The following ANKRD42 variants were observed in gnomAD, a reference collection of about 807,000 sequenced individuals.
The protein encoded by ANKRD42 is ankyrin repeat domain 42.
In ANKRD42, 43 loss-of-function variants were observed where a neutral mutation model predicts 51.5. That is an observed-to-expected ratio of 0.83 (90% CI 0.65 to 1.08). The LOEUF is 1.08. Ranked by LOEUF, ANKRD42 falls within the 50% of genes least tolerant of loss-of-function variation. The pLI is 0.00. For missense variants in ANKRD42, 608 were observed against 629.3 expected (o/e 0.97, Z 0.36); for synonymous variants, 203 against 213.0 (o/e 0.95, Z 0.41).
intron 3 of ANKRD42, chr11:83,209,697 C>G: frequency 1.4e-6 from 1 of 720,068 alleles, no homozygotes; most frequent in Non-Finnish European, 2.6e-6. Context: ...TTCCTAACAT[C>G]TTTCTGACAA....
At chr11:83,216,614 G>A (rs976236466) in intron 5 of ANKRD42, among the ~76,000 whole-genome samples, 21 of 152,040 alleles carry the variant, frequency 1.4e-4, no homozygotes, top group Non-Finnish European at 1.8e-4. Context: ...GTGAGCCACC[G>A]CGCCCGGCCC....
rs1861746000 is a variant in ANKRD42, at chr11:83,198,485, G to T, written c.65G>T (p.Arg22Met). 1 of 1,611,620 alleles carries T rather than the reference G, an allele frequency of 6.2e-7. No homozygotes were observed. The highest frequency in any genetic ancestry group is 1.1e-5 in the South Asian group (1 of 90,706). The change falls in exon 2 of 11, where the codon AGG becomes ATG. Residue 22 changes from arginine to methionine, a missense_variant. Coordinates refer to ENST00000533342, the MANE Select transcript of ANKRD42 (RefSeq NM_001300975.2). ...TAATTTGATTTTTCAATAGGTTCCAGGAAGAAGGTGCATTTTGGCAGCATA... is the reference window on the plus strand; with the variant it reads ...TAATTTGATTTTTCAATAGGTTCCATGAAGAAGGTGCATTTTGGCAGCATA... ...SSRETANPCS[R>M]KKVHFGSIHD...
chr11:83,194,577 C>A lies in ANKRD42; in HGVS notation c.-94C>A. On this transcript the variant is annotated 5_prime_UTR_variant, in exon 1 of 11. Coordinates refer to ENST00000533342, the MANE Select transcript of ANKRD42 (RefSeq NM_001300975.2). ...GTGACGACGGAGAAGAGGGCCGCTG[C>A]CGCTGCAGTGGCTCGTGGGTGAGAG... The A allele has an allele frequency of 7.8e-7, 1 of 1,282,442 alleles. No homozygotes were observed. Among genetic ancestry groups the A allele is most frequent in the Non-Finnish European group, 1.1e-6 (1 of 888,368 alleles). The allele number at this position is 1,282,442 out of a possible 1,614,324, so 79.4% of individuals were successfully genotyped here.
intron 9 of ANKRD42, among the ~76,000 whole-genome samples, chr11:83,241,743 T>G (rs1863394480): frequency 6.6e-6 from 1 of 152,184 alleles, no homozygotes. Flanking sequence ...GCATATAGAT[T>G]TTATTTTAAA....
chr11:83,224,694 G>A (rs1340804787), intron 5 of ANKRD42, among the ~76,000 whole-genome samples, 161 bp from the exon 6 acceptor site: 1 of 152,106 alleles, frequency 6.6e-6, no homozygotes, highest in Non-Finnish European at 1.5e-5. Context: ...GAGGTGGGGG[G>A]AATCACTTGA....
chr11:83,233,322 T>C (rs969042023), intron 7 of ANKRD42, among the ~76,000 whole-genome samples: 2 of 152,002 alleles, frequency 1.3e-5, no homozygotes, highest in Admixed American at 6.5e-5. Context: ...CTTGGTAGGT[T>C]GTTTGTGTCT....
intron 6 of ANKRD42, among the ~76,000 whole-genome samples, chr11:83,225,386 G>A (rs970872786): frequency 2.0e-5 from 3 of 151,860 alleles, no homozygotes; most frequent in Non-Finnish European, 4.4e-5. Context: ...GGGAAATATA[G>A]TAAAACCCTA....
chr11:83,244,610 C>T (rs1863488130), intron 9 of ANKRD42, among the ~76,000 whole-genome samples: 2 of 152,144 alleles, frequency 1.3e-5, no homozygotes, highest in Admixed American at 6.5e-5. Flanking sequence ...CCTCCCTGTT[C>T]CACACTCTCA....
At chr11:83,206,275 C>A (rs530388764) in intron 3 of ANKRD42, 110 bp downstream of exon 3, 157 of 860,424 alleles carry the variant, frequency 1.8e-4, no homozygotes, top group Non-Finnish European at 2.6e-4. Flanking sequence ...ATGTTCTAAA[C>A]AAGAACTTAC....
intron 5 of ANKRD42, among the ~76,000 whole-genome samples, chr11:83,220,293 G>C (rs1330636641): frequency 3.9e-5 from 6 of 152,210 alleles, no homozygotes; most frequent in Admixed American, 1.3e-4. Context: ...TGTGTCTTTA[G>C]TCTGGCGGCT....
At chr11:83,255,047 G>T (rs1009699645) in intron 11 of ANKRD42, among the ~76,000 whole-genome samples, 4 of 152,190 alleles carry the variant, frequency 2.6e-5, no homozygotes, top group Admixed American at 2.6e-4. Context: ...AAACTAACTG[G>T]ACTCATTAGA....
At chr11:83,232,640 A>G (rs1372041293) in intron 7 of ANKRD42, among the ~76,000 whole-genome samples, 2 of 152,194 alleles carry the variant, frequency 1.3e-5, no homozygotes, top group African/African-American at 4.8e-5. Flanking sequence ...GTTGAATAAT[A>G]GAGATGAAAG....
chr11:83,194,546 G>T lies in ANKRD42; in HGVS notation c.-125G>T. 1 of 905,598 alleles carries T rather than the reference G, an allele frequency of 1.1e-6. No individual in the cohort carries two copies. Among genetic ancestry groups the T allele is most frequent in the Non-Finnish European group, 1.8e-6 (1 of 559,070 alleles). 56.1% of individuals were successfully genotyped at this position (905,598 alleles called of 1,614,324 possible). On this transcript the variant is annotated 5_prime_UTR_variant, in exon 1 of 11. Coordinates refer to ENST00000533342, the MANE Select transcript of ANKRD42 (RefSeq NM_001300975.2). Reference sequence around the variant, plus strand: ...AGAGCAAGAGAGGACCTTGGGCCCCGTCCTAGTGACGACGGAGAAGAGGGC... The same window carrying T: ...AGAGCAAGAGAGGACCTTGGGCCCCTTCCTAGTGACGACGGAGAAGAGGGC...
downstream of ANKRD42, among the ~76,000 whole-genome samples, chr11:83,250,689 T>A (rs1447876760): frequency 6.6e-6 from 1 of 152,114 alleles, no homozygotes; most frequent in Non-Finnish European, 1.5e-5. Flanking sequence ...TAAAAAAAAA[T>A]GTCCAGAACC....
intron 3 of ANKRD42, 87 bp downstream of exon 3, chr11:83,206,252 T>C (rs1862069199): frequency 4.5e-6 from 5 of 1,106,480 alleles, no homozygotes; most frequent in Non-Finnish European, 6.5e-6. Flanking sequence ...TTTGACTCAA[T>C]AGATTTAGTT....
chr11:83,194,448 C>T lies in ANKRD42; in HGVS notation c.-223C>T. ...CCTCTGGTGTGAGCGGCAGTGAAGA[C>T]GCCAGCTACCGCTTCAGTGGCTTTT... On this transcript the variant is annotated 5_prime_UTR_variant, in exon 1 of 11. In the 5' UTR this introduces an upstream ATG that the reference lacks. Coordinates refer to ENST00000533342, the MANE Select transcript of ANKRD42 (RefSeq NM_001300975.2). 1 of 696,402 alleles carries T rather than the reference C, an allele frequency of 1.4e-6. No individual in the cohort carries two copies. Among genetic ancestry groups the T allele is most frequent in the Non-Finnish European group, 2.6e-6 (1 of 381,362 alleles). The allele number at this position is 696,402 out of a possible 1,614,324, so 43.1% of individuals were successfully genotyped here.
rs530049617 is a variant in ANKRD42, at chr11:83,225,061, T to C, written c.787+6T>C. The C allele has an allele frequency of 6.2e-7, 1 of 1,605,792 alleles. No homozygotes were observed. The highest frequency in any genetic ancestry group is 1.3e-5 in the African/African-American group (1 of 74,800). On this transcript the variant is annotated splice_donor_region_variant and intron_variant, in intron 6 of 10. Coordinates refer to ENST00000533342, the MANE Select transcript of ANKRD42 (RefSeq NM_001300975.2). Reference sequence around the variant, plus strand: ...AGACCTAGAGGATCAGGAAAGTAAGTAATTAAGTTATATGTTCTAGCATAT... The same window carrying C: ...AGACCTAGAGGATCAGGAAAGTAAGCAATTAAGTTATATGTTCTAGCATAT...
chr11:83,198,523 C>T lies in ANKRD42; in HGVS notation c.103C>T (p.Arg35Ter), dbSNP rs377381576. The T allele has an allele frequency of 2.5e-5, 40 of 1,613,592 alleles. No homozygotes were observed. The highest frequency in any genetic ancestry group is 4.4e-5 in the South Asian group (4 of 91,060). Residue 35 changes from arginine (R) to a stop codon, truncating the protein, a stop_gained, in exon 2 of 11, where the codon CGA becomes TGA. Transcript: ENST00000533342. LOFTEE classifies it high-confidence loss of function. ...TTTTGGCAGCATACATGATGCAGTA[C>T]GAGCTGGAGATGTAAAGCAGCTTTC... ...VHFGSIHDAV[R>*]AGDVKQLSEI...
rs1487747634 is a variant in ANKRD42, at chr11:83,247,948, T to C, written c.1328T>C (p.Ile443Thr). ...AAAAATTTTGTTTTTGATAGGACCA[T>C]CAAAGAACTGCAGGGCCAGCTGGAG... ...KKEQLESEKT[I>T]KELQGQLEYE... is the part of the protein sequence containing the mutation. Residue 443 changes from isoleucine to threonine, a missense_variant, in exon 11 of 11, where the codon ATC (isoleucine) becomes ACC (threonine). By Grantham distance (89) the Ile-to-Thr change is moderately conservative. Transcript: ENST00000533342. The C allele has an allele frequency of 1.2e-6, 2 of 1,604,772 alleles. No individual in the cohort carries two copies. Among genetic ancestry groups the C allele is most frequent in the Admixed American group, 3.5e-5 (2 of 57,612 alleles).
Sources: allele counts gnomAD v4.1 joint callset (sites outside exome capture counted in the v4.1 genomes callset), GRCh38; gene constraint gnomAD v4.1.1; transcripts MANE v1.5; gene names NCBI Gene and HGNC (gene_info 2026-07-23, HGNC 2026-07-21).